The following DZANK1 variants were observed in gnomAD, a reference collection of about 807,000 sequenced individuals.
DZANK1 encodes double zinc ribbon and ankyrin repeat-containing protein 1.
In DZANK1, 91 loss-of-function variants were observed where a neutral mutation model predicts 94.5. The ratio of observed to expected loss-of-function variants is 0.96; its 90% CI spans 0.81 to 1.15. The LOEUF (loss-of-function observed/expected upper bound fraction) is 1.15. DZANK1 is among the 50% of genes most tolerant of loss of function. The pLI, the probability that DZANK1 is intolerant of heterozygous loss-of-function variation, is 0.00. For missense variants in DZANK1, 903 were observed against 916.4 expected (o/e 0.99, Z 0.19); for synonymous variants, 312 against 325.3 (o/e 0.96, Z 0.44).
intron 2 of DZANK1, 41 bp downstream of exon 2, chr20:18,465,209 C>T: frequency 1.5e-6 from 2 of 1,291,716 alleles, no homozygotes; most frequent in Non-Finnish European, 2.2e-6. Context: ...AGAAATATGA[C>T]AATGTTATTT....
chr20:18,452,979 C>G (rs1264251325), intron 5 of DZANK1, among the ~76,000 whole-genome samples: 1 of 152,194 alleles, frequency 6.6e-6, no homozygotes, highest in East Asian at 1.9e-4. Flanking sequence ...TATTCCACTT[C>G]AGGCTGGGAA....
intron 7 of DZANK1, among the ~76,000 whole-genome samples, chr20:18,446,414 T>G (rs2058883225): frequency 6.6e-6 from 1 of 152,094 alleles, no homozygotes; most frequent in Non-Finnish European, 1.5e-5. Flanking sequence ...CCCTACAAAA[T>G]AACAAGGATA....
chr20:18,427,186 T>G (rs1205800714), intron 9 of DZANK1, 27 bp from the exon 10 acceptor site: 2 of 1,567,990 alleles, frequency 1.3e-6, no homozygotes, highest in Non-Finnish European at 1.8e-6. Flanking sequence ...AAGACATACA[T>G]GTTCCTCTGA....
chr20:18,390,077 C>G (rs543509306), intron 18 of DZANK1, among the ~76,000 whole-genome samples: 63 of 152,270 alleles, frequency 4.1e-4, no homozygotes, highest in Non-Finnish European at 7.1e-4. Context: ...CCCTGACAAC[C>G]TTGCTTCTTT....
intron 17 of DZANK1, among the ~76,000 whole-genome samples, chr20:18,392,292 A>G (rs1245204123): frequency 6.6e-6 from 1 of 152,240 alleles, no homozygotes; most frequent in Non-Finnish European, 1.5e-5. Context: ...CCTAAAATAC[A>G]AAAGTTGAAA....
chr20:18,389,605 G>T, intron 19 of DZANK1, 96 bp downstream of exon 19: 1 of 1,509,558 alleles, frequency 6.6e-7, no homozygotes, highest in South Asian at 1.3e-5. Context: ...GGCTGAAACT[G>T]AACAGGGTGT....
chr20:18,444,905 A>G (rs2148698131), intron 7 of DZANK1, among the ~76,000 whole-genome samples: 1 of 152,140 alleles, frequency 6.6e-6, no homozygotes, highest in East Asian at 1.9e-4. Context: ...GGTCCATGCC[A>G]TTCTCCTGCC....
chr20:18,412,796 TA>T lies in DZANK1; in HGVS notation c.1281del (p.Lys428ArgfsTer4). 6.2e-7 allele frequency: 1 copy of T among 1,613,954 alleles called. No homozygotes were observed. On this transcript the variant is annotated frameshift_variant, in exon 13 of 21. Coordinates refer to ENST00000262547, the Ensembl canonical transcript of DZANK1. LOFTEE classifies it high-confidence loss of function. ...ACAGTCTGTGTTCCTATGTCCCTCT[TA>T]GTCCCAACATCAGATCTGGGCAAAG...
intron 7 of DZANK1, among the ~76,000 whole-genome samples, chr20:18,447,791 A>G (rs955995169): frequency 4.6e-5 from 7 of 152,212 alleles, no homozygotes; most frequent in Non-Finnish European, 7.3e-5. Context: ...TAGAATGATC[A>G]AAATAAAAAT....
chr20:18,457,822 G>A (rs1391990915), intron 3 of DZANK1, among the ~76,000 whole-genome samples: 1 of 152,164 alleles, frequency 6.6e-6, no homozygotes, highest in Non-Finnish European at 1.5e-5. Context: ...TATCTTCTAG[G>A]CAACCATGTG....
Position 18,415,564 on chromosome 20 carries a change from TTTTTG to T in DZANK1, c.955-120_955-116del, listed in dbSNP as rs3830935. ...AAGATGAGCCCCGGAAATAGTGTTT[TTTTTG>T]TTTTGTTTTGTTTTGTTTTTTTCCC... On this transcript the variant is annotated intron_variant, in intron 10 of 20. Transcript: ENST00000262547. The T allele has an allele frequency of 2.4e-3, 2,858 of 1,214,062 alleles. 30 individuals carry two copies. In the South Asian group the frequency reaches 0.031, roughly 13 times the overall value. 75.2% of individuals were successfully genotyped at this position (1,214,062 alleles called of 1,614,324 possible). A position where few individuals can be genotyped will look rare whatever the true frequency, so the allele number is the denominator to read the frequency against.
Position 18,413,092 on chromosome 20 carries a change from G to A in DZANK1, c.1243-257C>T. On this transcript the variant is annotated intron_variant, in intron 12 of 20. Coordinates refer to ENST00000262547, the Ensembl canonical transcript of DZANK1. ...AAAGTCAGCAAATCAAGGGGTGTTT[G>A]CCGGCCTGCTTGATGCCTGGAAGAT... The A allele has an allele frequency of 5.3e-6, 3 of 562,762 alleles. No individual in the cohort carries two copies. In the South Asian group the frequency reaches 7.1e-5, roughly 13 times the overall value. 34.9% of individuals were successfully genotyped at this position (562,762 alleles called of 1,614,324 possible).
chr20:18,451,909 T>G (rs1372176312), intron 6 of DZANK1: 1 of 518,690 alleles, frequency 1.9e-6, no homozygotes. Context: ...TGGTCTAATC[T>G]CCATACTGTG....
chr20:18,459,518 T>C (rs1399603402), intron 3 of DZANK1, among the ~76,000 whole-genome samples: 1 of 152,092 alleles, frequency 6.6e-6, no homozygotes, highest in Non-Finnish European at 1.5e-5. Flanking sequence ...GCTGGAAAAA[T>C]AATTCCTATA....
chr20:18,418,728 C>T (rs961493514), intron 10 of DZANK1, among the ~76,000 whole-genome samples: 1 of 151,812 alleles, frequency 6.6e-6, no homozygotes, highest in Non-Finnish European at 1.5e-5. Flanking sequence ...TTGAAAGAAG[C>T]AAACCAGAAA....
chr20:18,387,497 T>C (rs962025456), intron 19 of DZANK1, among the ~76,000 whole-genome samples: 5 of 152,218 alleles, frequency 3.3e-5, no homozygotes, highest in Non-Finnish European at 5.9e-5. Context: ...CTCTAAGAAG[T>C]AGACTGATGC....
At chr20:18,450,558 A>G (rs572306595) in intron 6 of DZANK1, among the ~76,000 whole-genome samples, 148 of 152,356 alleles carry the variant, frequency 9.7e-4, no homozygotes, top group African/African-American at 3.3e-3. Context: ...ATTACACATA[A>G]AGATGTAGTT....
chr20:18,429,525 C>T (rs931398791), intron 9 of DZANK1, among the ~76,000 whole-genome samples: 10 of 152,202 alleles, frequency 6.6e-5, no homozygotes, highest in African/African-American at 2.2e-4. Flanking sequence ...GACACGGCCT[C>T]CCCCACACTA....
chr20:18,399,852 T>A (rs1164578999), intron 13 of DZANK1, among the ~76,000 whole-genome samples: 1 of 152,158 alleles, frequency 6.6e-6, no homozygotes, highest in Non-Finnish European at 1.5e-5. Flanking sequence ...GCCCCTGCTG[T>A]GCCCTGTGGC....
Sources: allele counts gnomAD v4.1 joint callset (sites outside exome capture counted in the v4.1 genomes callset), GRCh38; gene constraint gnomAD v4.1.1; transcripts MANE v1.5; gene names NCBI Gene and HGNC (gene_info 2026-07-23, HGNC 2026-07-21).